BCKDHB: variants seen among roughly 807,000 people sequenced by gnomAD.
BCKDHB encodes branched chain keto acid dehydrogenase E1 subunit beta.
Under a neutral mutation model 48.5 loss-of-function variants are expected in BCKDHB, and 41 were observed. That is an observed-to-expected ratio of 0.85 (90% CI 0.66 to 1.10). BCKDHB has a LOEUF of 1.10. Among genes scored for constraint, BCKDHB ranks in the 50% least tolerant of loss-of-function variants. The pLI is 0.00. For synonymous variants in BCKDHB, 201 were observed against 174.8 expected (o/e 1.15, Z -1.18); for missense variants, 496 against 494.2 (o/e 1.00, Z -0.03).
Position 80,129,701 on chromosome 6 carries a change from A to G in BCKDHB, c.343+472A>G, listed in dbSNP as rs561504462. ...TTTTAAGGAACTGGCTGGCAAGTCC[A>G]TAGGGCAAACTGGTTGACTTGAAAC... On this transcript the variant is annotated intron_variant, in intron 3 of 9. Coordinates refer to ENST00000320393, the MANE Select transcript of BCKDHB (RefSeq NM_183050.4). Among the ~76,000 whole-genome samples, 19 of 152,266 alleles carry G rather than the reference A, an allele frequency of 1.2e-4. No individual in the cohort carries two copies. The South Asian group carries it at 3.5e-3, about 28-fold the overall frequency.
At chr6:80,357,143 G>A in the BCKDHB span, among the ~76,000 whole-genome samples, 3 of 152,098 alleles carry the variant, frequency 2.0e-5, no homozygotes, top group African/African-American at 7.2e-5. Context: ...TTAATAATGG[G>A]ACTCTTTGCA....
At chr6:80,311,651 G>A (rs745379518) in intron 9 of BCKDHB, among the ~76,000 whole-genome samples, 1 of 152,146 alleles carries the variant, frequency 6.6e-6, no homozygotes, top group Non-Finnish European at 1.5e-5. Context: ...CATACGATTA[G>A]CCAGTTCTCC....
At chr6:80,195,364 ATTCT>A (rs1231325693) in intron 6 of BCKDHB, among the ~76,000 whole-genome samples, 1 of 152,162 alleles carries the variant, frequency 6.6e-6, no homozygotes, top group African/African-American at 2.4e-5. Flanking sequence ...TTGTTCATAT[ATTCT>A]TTCTTATCTC....
the BCKDHB span, among the ~76,000 whole-genome samples, chr6:80,369,045 A>G: frequency 6.0e-4 from 92 of 152,148 alleles, 2 homozygotes; most frequent in South Asian, 0.019. Context: ...AAGAAAAAAA[A>G]TTCCATCGGT....
chr6:80,241,198 C>T (rs1026088877), intron 8 of BCKDHB, among the ~76,000 whole-genome samples: 2 of 152,120 alleles, frequency 1.3e-5, no homozygotes, highest in Non-Finnish European at 2.9e-5. Context: ...TTCGAACATC[C>T]TCCTTTAGCT....
Position 80,106,851 on chromosome 6 carries a change from A to C in BCKDHB, c.158A>C (p.His53Pro), listed in dbSNP as rs398124567. ...EDAAQRRQVA[H>P]FTFQPDPEPR... is the part of the protein sequence containing the mutation. ...GCGGCCCAGAGGCGGCAGGTGGCTCATTTTACTTTCCAGCCAGATCCGGAG... is the reference window on the plus strand; with the variant it reads ...GCGGCCCAGAGGCGGCAGGTGGCTCCTTTTACTTTCCAGCCAGATCCGGAG... Residue 53 changes from histidine to proline, a missense_variant, in exon 1 of 10, where the codon CAT (histidine) becomes CCT (proline). Transcript: ENST00000320393. 6 of 1,609,904 alleles carry C rather than the reference A, an allele frequency of 3.7e-6. No homozygotes were observed. The African/African-American group carries it at 8.0e-5, about 22-fold the overall frequency.
the BCKDHB span, among the ~76,000 whole-genome samples, chr6:80,404,612 CT>C: frequency 1.3e-5 from 2 of 151,774 alleles, no homozygotes; most frequent in Admixed American, 1.3e-4. Flanking sequence ...TAATTGTGAG[CT>C]TAGTTTGTTC....
At chr6:80,351,368 G>A in the BCKDHB span, among the ~76,000 whole-genome samples, 2,499 of 152,266 alleles carry the variant, frequency 0.016, 29 homozygotes, top group Non-Finnish European at 0.024. Context: ...CTCAGTTTAA[G>A]GGTGATGAGG....
rs371911534 is a variant in BCKDHB at position 80,337,596 on chromosome 6, A to G, written c.1039-6068A>G. Among the ~76,000 whole-genome samples the G allele has an allele frequency of 5.3e-5, 8 of 151,794 alleles. No homozygotes were observed. The East Asian group carries it at 1.5e-3, about 29-fold the overall frequency. ...GTTCTGTTCAATACTCATTATATTT[A>G]TAATTTATATTACATATATATTTAT... On this transcript the variant is annotated intron_variant, in intron 9 of 9. Transcript: ENST00000320393.
At chr6:80,241,526 G>C (rs898158325) in intron 8 of BCKDHB, among the ~76,000 whole-genome samples, 1 of 152,184 alleles carries the variant, frequency 6.6e-6, no homozygotes, top group Non-Finnish European at 1.5e-5. Context: ...CTGCAGGTCT[G>C]TTGGAGTTTG....
rs190660316 is a variant in BCKDHB, at chr6:80,244,140, G to C, written c.952-28995G>C. On this transcript the variant is annotated intron_variant, in intron 8 of 9. Coordinates refer to ENST00000320393, the MANE Select transcript of BCKDHB (RefSeq NM_183050.4). ...CTGATTGGGAAACATGTTAAGTATT[G>C]ATGTGTAGGAAAGACTGAGGTGTTT... 5.9e-5 allele frequency among the ~76,000 whole-genome samples: 9 copies of C among 152,298 alleles called. No individual in the cohort carries two copies. In the East Asian group the frequency reaches 1.4e-3, roughly 23 times the overall value.
At chr6:80,179,113 C>T (rs1278449331) in intron 6 of BCKDHB, among the ~76,000 whole-genome samples, 1 of 152,142 alleles carries the variant, frequency 6.6e-6, no homozygotes, top group Non-Finnish European at 1.5e-5. Flanking sequence ...TCCTCAAGCT[C>T]CTGGGCTCAG....
At chr6:80,167,962 A>G (rs1205523955) in intron 4 of BCKDHB, 151 bp downstream of exon 4, 1 of 923,762 alleles carries the variant, frequency 1.1e-6, no homozygotes, top group South Asian at 1.6e-5. Flanking sequence ...GCATATATTT[A>G]AAGATCTAAT....
intron 9 of BCKDHB, among the ~76,000 whole-genome samples, chr6:80,311,000 C>G (rs1768125155): frequency 6.6e-6 from 1 of 152,028 alleles, no homozygotes; most frequent in African/African-American, 2.4e-5. Flanking sequence ...GGATATTAGA[C>G]TTTTTTCAGA....
intron 3 of BCKDHB, among the ~76,000 whole-genome samples, chr6:80,155,265 C>T (rs1771986036): frequency 1.3e-5 from 2 of 152,014 alleles, no homozygotes; most frequent in South Asian, 4.1e-4. Context: ...GGACATTGTC[C>T]TCAAAGACTT....
chr6:80,237,831 A>G (rs1451703740), intron 8 of BCKDHB, among the ~76,000 whole-genome samples: 2 of 152,220 alleles, frequency 1.3e-5, no homozygotes, highest in African/African-American at 4.8e-5. Flanking sequence ...TTTGTTATTT[A>G]CATAAGTAGA....
intron 6 of BCKDHB, among the ~76,000 whole-genome samples, chr6:80,192,126 TAA>T (rs1371567634): frequency 6.6e-6 from 1 of 152,188 alleles, no homozygotes; most frequent in South Asian, 2.1e-4. Flanking sequence ...CATATCTAAT[TAA>T]GTCTTTTTTC....
At chr6:80,358,853 T>C in the BCKDHB span, among the ~76,000 whole-genome samples, 1 of 152,198 alleles carries the variant, frequency 6.6e-6, no homozygotes, top group African/African-American at 2.4e-5. Flanking sequence ...TTTAAAATAG[T>C]AAATTTTATG....
chr6:80,223,586 A>G (rs922971122), intron 8 of BCKDHB, among the ~76,000 whole-genome samples: 1 of 152,162 alleles, frequency 6.6e-6, no homozygotes, highest in Non-Finnish European at 1.5e-5. Flanking sequence ...TTAGTATACC[A>G]TTAATTCTGA....
Sources: allele counts gnomAD v4.1 joint callset (sites outside exome capture counted in the v4.1 genomes callset), GRCh38; gene constraint gnomAD v4.1.1; transcripts MANE v1.5; gene names NCBI Gene and HGNC (gene_info 2026-07-23, HGNC 2026-07-21).